CADM2: variants seen among roughly 807,000 people sequenced by gnomAD.
The protein encoded by CADM2 is cell adhesion molecule 2.
A neutral mutation model predicts 49.8 loss-of-function variants in CADM2; 12 were observed. The ratio of observed to expected loss-of-function variants is 0.24; its 90% CI spans 0.15 to 0.39. The LOEUF (loss-of-function observed/expected upper bound fraction) is 0.39, where lower values mean the gene tolerates loss of function less well. CADM2 is among the 10% of genes least tolerant of loss of function. CADM2 has a pLI of 1.00. For missense variants in CADM2, 378 were observed against 492.3 expected (o/e 0.77, Z 2.20); for synonymous variants, 214 against 175.4 (o/e 1.22, Z -1.74).
At chr3:85,277,004 C>A (rs2043370962) in intron 1 of CADM2, among the ~76,000 whole-genome samples, 1 of 150,978 alleles carries the variant, frequency 6.6e-6, no homozygotes, top group African/African-American at 2.4e-5. Context: ...TAAAAGTAAG[C>A]TTTATGATTG....
At chr3:85,449,557 A>AG (rs1465436153) in intron 1 of CADM2, among the ~76,000 whole-genome samples, 37 of 127,532 alleles carry the variant, frequency 2.9e-4, no homozygotes, top group African/African-American at 7.9e-4. Flanking sequence ...TTGAAATATA[A>AG]GGTTTTTTTT....
chr3:85,518,004 A>G (rs1243319337), intron 1 of CADM2, among the ~76,000 whole-genome samples: 3 of 151,982 alleles, frequency 2.0e-5, no homozygotes, highest in Non-Finnish European at 1.5e-5. Context: ...CAATTCAGCT[A>G]TGTTTTCTTT....
At chr3:85,779,216 G>T (rs913561617) in intron 2 of CADM2, among the ~76,000 whole-genome samples, 3 of 151,416 alleles carry the variant, frequency 2.0e-5, no homozygotes, top group Admixed American at 2.0e-4. Context: ...TTTAATCAAT[G>T]CAATGACTGT....
chr3:85,301,026 G>C (rs1175566794), intron 1 of CADM2, among the ~76,000 whole-genome samples: 1 of 152,068 alleles, frequency 6.6e-6, no homozygotes, highest in Non-Finnish European at 1.5e-5. Context: ...AAGAATCACA[G>C]GGTGAGAAAT....
intron 1 of CADM2, among the ~76,000 whole-genome samples, chr3:85,239,632 A>G (rs750224608): frequency 1.3e-5 from 2 of 151,610 alleles, no homozygotes; most frequent in Non-Finnish European, 3.0e-5. Flanking sequence ...TCTTAAGATT[A>G]TATTAGAAAA....
intron 1 of CADM2, among the ~76,000 whole-genome samples, chr3:85,083,419 TTC>T (rs1484137881): frequency 6.6e-6 from 1 of 152,178 alleles, no homozygotes; most frequent in Non-Finnish European, 1.5e-5. Flanking sequence ...TTTCTTCTCC[TTC>T]ATCTTTCACC....
chr3:85,199,475 T>G lies in CADM2; in HGVS notation c.61+239807T>G, dbSNP rs569086854. Among the ~76,000 whole-genome samples, 721 of 149,582 alleles carry G rather than the reference T, an allele frequency of 4.8e-3. 7 individuals carry two copies. The highest frequency in any genetic ancestry group is 0.017 in the African/African-American group (698 of 40,528). ...TAATTTTCATTAGTAATTTCAAAAT[T>G]TTTTTTTTTTAGTTAAACTTACAAA... On this transcript the variant is annotated intron_variant, in intron 1 of 9. Coordinates refer to ENST00000383699, the MANE Select transcript of CADM2 (RefSeq NM_001167675.2).
chr3:85,832,002 T>C (rs528505819), intron 3 of CADM2, among the ~76,000 whole-genome samples: 97 of 152,060 alleles, frequency 6.4e-4, no homozygotes, highest in African/African-American at 2.3e-3. Context: ...TTTTGGTATA[T>C]AGTGAAAGGT....
At chr3:85,215,103 A>C (rs1179656840) in intron 1 of CADM2, among the ~76,000 whole-genome samples, 1 of 152,102 alleles carries the variant, frequency 6.6e-6, no homozygotes, top group Admixed American at 6.5e-5. Context: ...GTCTCACCCA[A>C]GGCCCATGGG....
chr3:85,830,284 C>A (rs1034016835), intron 3 of CADM2, among the ~76,000 whole-genome samples: 5 of 151,774 alleles, frequency 3.3e-5, no homozygotes, highest in African/African-American at 4.8e-5. Flanking sequence ...ATGTTGAGAA[C>A]GTTTTCATAT....
intron 1 of CADM2, among the ~76,000 whole-genome samples, chr3:85,667,539 C>A (rs1366995606): frequency 1.3e-5 from 2 of 151,992 alleles, no homozygotes; most frequent in Non-Finnish European, 1.5e-5. Context: ...AAGAGCACTC[C>A]TCTTTGATTG....
chr3:85,699,686 T>C (rs1235490970), intron 1 of CADM2, among the ~76,000 whole-genome samples: 1 of 152,194 alleles, frequency 6.6e-6, no homozygotes, highest in Non-Finnish European at 1.5e-5. Context: ...GTCCTGGGCC[T>C]GGCCCATGAA....
intron 1 of CADM2, among the ~76,000 whole-genome samples, chr3:85,492,327 C>T (rs2039708676): frequency 6.6e-6 from 1 of 152,138 alleles, no homozygotes; most frequent in Admixed American, 6.5e-5. Context: ...CGTGGTGGCT[C>T]ATGCCTGTAA....
At chr3:85,488,753 T>A (rs1017840847) in intron 1 of CADM2, among the ~76,000 whole-genome samples, 2 of 151,980 alleles carry the variant, frequency 1.3e-5, no homozygotes, top group African/African-American at 2.4e-5. Context: ...GATAGTCTTA[T>A]CTCTTGACCT....
chr3:85,130,278 AC>A (rs2039180033), intron 1 of CADM2, among the ~76,000 whole-genome samples: 1 of 152,202 alleles, frequency 6.6e-6, no homozygotes, highest in Admixed American at 6.5e-5. Context: ...ATTTTTTCTA[AC>A]CAAAACCCAA....
intron 1 of CADM2, among the ~76,000 whole-genome samples, chr3:85,408,414 T>C (rs1471370983): frequency 6.6e-6 from 1 of 152,222 alleles, no homozygotes; most frequent in East Asian, 1.9e-4. Flanking sequence ...GAAAAATTAA[T>C]TTTTTTGAAA....
intron 1 of CADM2, among the ~76,000 whole-genome samples, chr3:85,294,435 A>G (rs1489137685): frequency 6.6e-6 from 1 of 151,888 alleles, no homozygotes; most frequent in Non-Finnish European, 1.5e-5. Context: ...ATTGGAAAAA[A>G]CTACTTTAAA....
chr3:85,205,613 AAGT>A (rs1305129702), intron 1 of CADM2, among the ~76,000 whole-genome samples: 3 of 152,146 alleles, frequency 2.0e-5, no homozygotes, highest in Non-Finnish European at 4.4e-5. Flanking sequence ...AAAGAGTAAA[AAGT>A]AGCTTATGCA....
chr3:85,454,141 G>A (rs554392310), intron 1 of CADM2, among the ~76,000 whole-genome samples: 1 of 152,132 alleles, frequency 6.6e-6, no homozygotes, highest in South Asian at 2.1e-4. Flanking sequence ...GATCACCTGA[G>A]GGCAGGAGTT....
Sources: gnomAD v4.1 joint callset for allele counts (sites outside exome capture counted in the v4.1 genomes callset) on GRCh38, gnomAD v4.1.1 for gene constraint, MANE v1.5 for transcripts, NCBI Gene and HGNC (gene_info 2026-07-23, HGNC 2026-07-21) for gene names.